Variants in RASA3 observed in about 807,000 individuals in gnomAD.
The protein encoded by RASA3 is ras GTPase-activating protein 3.
RASA3 carries 73 observed loss-of-function variants against 110.0 expected under a neutral mutation model. The observed-to-expected ratio is 0.66, with a 90% CI of 0.55 to 0.81. RASA3 has a LOEUF of 0.81. RASA3 is among the 30% of genes least tolerant of loss of function. RASA3 has a pLI of 0.00. For synonymous variants in RASA3, 500 were observed against 451.4 expected, an observed-to-expected ratio of 1.11 and a Z score of -1.37; for missense variants, 976 against 1,113.2, an observed-to-expected ratio of 0.88 and a Z score of 1.75.
chr13:114,011,826 G>A lies in RASA3; in HGVS notation c.1513-578C>T, dbSNP rs567559054. 5.9e-5 allele frequency among the ~76,000 whole-genome samples: 9 copies of A among 152,176 alleles called. No individual in the cohort carries two copies. Among genetic ancestry groups the A allele is most frequent in the East Asian group, 1.9e-4 (1 of 5,172 alleles). On this transcript the variant is annotated intron_variant, in intron 15 of 23. Transcript: ENST00000334062. This position sits in a 1 kb window ranked among gnomAD's most constrained non-coding sequence, Gnocchi z 4.8. ...AATCCAAGCTACTAGGGAGGCTGAC[G>A]CACGAGAATTGCTTGAACCCAGGAG...
At chr13:114,125,088 G>A (rs1170583143) in intron 1 of RASA3, among the ~76,000 whole-genome samples, 1 of 152,138 alleles carries the variant, frequency 6.6e-6, no homozygotes, top group East Asian at 1.9e-4. Flanking sequence ...GGGTGGTGTT[G>A]GGCGCTCTCA....
At chr13:114,073,044 T>G (rs2079600262) in intron 2 of RASA3, among the ~76,000 whole-genome samples, 1 of 148,392 alleles carries the variant, frequency 6.7e-6, no homozygotes, top group Non-Finnish European at 1.5e-5. Context: ...CTCGGGACAT[T>G]GTCTACACAC....
intron 1 of RASA3, among the ~76,000 whole-genome samples, chr13:114,126,614 C>T (rs1482548673): frequency 6.6e-6 from 1 of 152,208 alleles, no homozygotes; most frequent in Non-Finnish European, 1.5e-5. Flanking sequence ...ATCTCAACAC[C>T]CTCCTACTTA....
At chr13:114,028,491 T>G (rs2054078158) in intron 5 of RASA3, among the ~76,000 whole-genome samples, 1 of 148,976 alleles carries the variant, frequency 6.7e-6, no homozygotes, top group Non-Finnish European at 1.5e-5. Flanking sequence ...CAGTGTCATC[T>G]GGGAGCCAGG....
chr13:114,021,484 G>A lies in RASA3; in HGVS notation c.705C>T (p.Asn235=). The change falls in exon 9 of 24, where the codon AAC becomes AAT. Residue 235 remains asparagine (N), a synonymous_variant. Transcript: ENST00000334062. ...CCAGGAATTCATCTCCAAACTTCAG[G>A]TTACTGGCATTCCAGAGGTCAACTC... ...EIRVDLWNAS[N]LKFGDEFLGE... 1 of 1,613,932 alleles carries A rather than the reference G, an allele frequency of 6.2e-7. No individual in the cohort carries two copies. The highest frequency in any genetic ancestry group is 8.5e-7 in the Non-Finnish European group (1 of 1,180,002).
rs945621496 is a variant in RASA3, at chr13:114,048,577, C to T, written c.277+3475G>A. On this transcript the variant is annotated intron_variant, in intron 3 of 23. Coordinates refer to ENST00000334062, the MANE Select transcript of RASA3 (RefSeq NM_007368.4). This position sits in a 1 kb window ranked among gnomAD's most constrained non-coding sequence, Gnocchi z 4.3. ...GTTCCCGCATCCCAGCTGCGGGGAGCCATAGTTTCCGGTCTGTGCTCTGTG... is the reference window on the plus strand; with the variant it reads ...GTTCCCGCATCCCAGCTGCGGGGAGTCATAGTTTCCGGTCTGTGCTCTGTG... Among the ~76,000 whole-genome samples the T allele has an allele frequency of 1.3e-5, 2 of 152,220 alleles. No individual in the cohort carries two copies. Among genetic ancestry groups the T allele is most frequent in the African/African-American group, 4.8e-5 (2 of 41,452 alleles).
intron 1 of RASA3, among the ~76,000 whole-genome samples, chr13:114,117,267 G>A (rs371806914): frequency 2.1e-5 from 2 of 97,540 alleles, no homozygotes; most frequent in Admixed American, 1.1e-4. Context: ...AGGGATGCAC[G>A]TGTGTGAGGG....
intron 1 of RASA3, among the ~76,000 whole-genome samples, chr13:114,131,279 C>T (rs12866241): frequency 0.51 from 76,990 of 151,954 alleles, 21,710 homozygotes; most frequent in Middle Eastern, 0.66. Flanking sequence ...GGGAAGAGGC[C>T]GGCTGCGAAG....
intron 20 of RASA3, 30 bp from the exon 21 acceptor site, chr13:113,996,769 C>T (rs778459878): frequency 6.3e-7 from 1 of 1,589,506 alleles, no homozygotes; most frequent in Non-Finnish European, 8.6e-7. Context: ...CAGGACAGCG[C>T]ACATGAGGTC....
intron 1 of RASA3, chr13:114,077,818 C>T (rs2139685037): frequency 1.0e-6 from 1 of 984,008 alleles, no homozygotes; most frequent in South Asian, 4.7e-5. Flanking sequence ...TCTCCTTGCT[C>T]ACTGTCATCT....
At chr13:114,028,767 GTGTCATCCTGGGGCCAGGACCTCTAAAA>G (rs1237994634) in intron 5 of RASA3, among the ~76,000 whole-genome samples, 86 of 91,110 alleles carry the variant, frequency 9.4e-4, no homozygotes, top group Non-Finnish European at 1.3e-3. Flanking sequence ...CTCTAAAACA[GTGTCATCCTGGGGCCAGGACCTCTAAAA>G]CGGCGTCATC....
At chr13:114,075,107 C>G (rs1478690085) in intron 1 of RASA3, among the ~76,000 whole-genome samples, 3 of 152,226 alleles carry the variant, frequency 2.0e-5, no homozygotes, top group Non-Finnish European at 4.4e-5. Context: ...AGGCACCACG[C>G]TGAGACCACA....
intron 22 of RASA3, among the ~76,000 whole-genome samples, chr13:113,990,780 G>A (rs112340829): frequency 3.3e-5 from 5 of 151,738 alleles, no homozygotes; most frequent in African/African-American, 1.2e-4. Flanking sequence ...AACTGCACAT[G>A]TGTGCAGGTA....
intron 3 of RASA3, among the ~76,000 whole-genome samples, chr13:114,050,117 C>A (rs184425731): frequency 1.1e-3 from 169 of 152,318 alleles, no homozygotes; most frequent in African/African-American, 3.8e-3. Flanking sequence ...AAGAGGGAAC[C>A]CTTCCGCAGC....
chr13:114,092,766 TC>T (rs1023522197), intron 1 of RASA3, among the ~76,000 whole-genome samples: 9 of 152,162 alleles, frequency 5.9e-5, no homozygotes, highest in Non-Finnish European at 1.3e-4. Context: ...GGGTGTGAAG[TC>T]CCCTACTATT....
intron 1 of RASA3, among the ~76,000 whole-genome samples, chr13:114,109,937 CG>C (rs1373164048): frequency 6.6e-6 from 1 of 152,164 alleles, no homozygotes; most frequent in Non-Finnish European, 1.5e-5. Flanking sequence ...TCCCGGTGAA[CG>C]TCCCGTCTCC....
chr13:114,048,400 TG>T lies in RASA3; in HGVS notation c.277+3651del, dbSNP rs1297959755. 6.6e-6 allele frequency among the ~76,000 whole-genome samples: 1 copy of T among 151,120 alleles called. No homozygotes were observed. Among genetic ancestry groups the T allele is most frequent in the Non-Finnish European group, 1.5e-5 (1 of 67,834 alleles). ...GAAGCCTCAGAGAGTCTCTAGGGGC[TG>T]GAGGGGCAAATGGAGGGGGACATGG... is the stretch of plus-strand genomic sequence containing the variant. On this transcript the variant is annotated intron_variant, in intron 3 of 23. Transcript: ENST00000334062. This position sits in a 1 kb window ranked among gnomAD's most constrained non-coding sequence, Gnocchi z 4.3.
chr13:114,080,664 C>CAGCTGAAACA, intron 1 of RASA3, among the ~76,000 whole-genome samples: 4 of 152,148 alleles, frequency 2.6e-5, no homozygotes, highest in Non-Finnish European at 5.9e-5. Context: ...ACCCCGACAA[C>CAGCTGAAACA]GGCTGAAACA....
chr13:113,982,181 C>T (rs574869401), intron 22 of RASA3, among the ~76,000 whole-genome samples: 2 of 152,344 alleles, frequency 1.3e-5, no homozygotes, highest in East Asian at 3.9e-4. Flanking sequence ...GTGCACATCT[C>T]TGCACGCCCC....
Sources: allele counts gnomAD v4.1 joint callset (sites outside exome capture counted in the v4.1 genomes callset), GRCh38; gene constraint gnomAD v4.1.1; non-coding constraint Gnocchi (gnomAD v3.1); transcripts MANE v1.5; gene names NCBI Gene and HGNC (gene_info 2026-07-23, HGNC 2026-07-21).